The following DLGAP1 variants were observed in gnomAD, a reference collection of about 807,000 sequenced individuals.
DLGAP1 encodes the protein disks large-associated protein 1.
DLGAP1 carries 11 observed loss-of-function variants against 90.8 expected under a neutral mutation model. The observed-to-expected ratio is 0.12, with a 90% CI of 0.08 to 0.20. The LOEUF (loss-of-function observed/expected upper bound fraction) is 0.20, where lower values mean the gene tolerates loss of function less well. Among genes scored for constraint, DLGAP1 ranks in the 10% least tolerant of loss-of-function variants. The probability of loss-of-function intolerance (pLI) is 1.00; values close to 1 mark genes in which losing one functional copy is unlikely to be tolerated. For missense variants in DLGAP1, 1,050 were observed against 1,333.8 expected (o/e 0.79, Z 3.31); for synonymous variants, 558 against 540.7 (o/e 1.03, Z -0.44).
intron 3 of DLGAP1, among the ~76,000 whole-genome samples, chr18:3,975,208 T>TTA (rs1178973211): frequency 6.6e-6 from 1 of 152,032 alleles, no homozygotes; most frequent in South Asian, 2.1e-4. Context: ...AAAATAAAAA[T>TTA]TATATATATA....
chr18:3,611,429 C>T (rs1258403285), intron 7 of DLGAP1, among the ~76,000 whole-genome samples: 1 of 152,188 alleles, frequency 6.6e-6, no homozygotes, highest in Non-Finnish European at 1.5e-5. Flanking sequence ...TCTACCACTG[C>T]ACTCGCCCCA....
chr18:4,069,144 TA>T (rs1366641428), intron 2 of DLGAP1, among the ~76,000 whole-genome samples: 3 of 152,274 alleles, frequency 2.0e-5, no homozygotes, highest in African/African-American at 7.2e-5. Context: ...AAATGGTAAT[TA>T]TTTTTATCCT....
rs576491426 is a variant in DLGAP1, at chr18:4,059,679, C to A, written c.-158-54478G>T. Among the ~76,000 whole-genome samples, 3 of 152,028 alleles carry A rather than the reference C, an allele frequency of 2.0e-5. No individual in the cohort carries two copies. In the South Asian group the frequency reaches 6.3e-4, roughly 32 times the overall value. ...TGAGCCAAGATCGTGCCATTGTACT[C>A]CAGCCTGGACAACAGGAGCAAAACT... On this transcript the variant is annotated intron_variant, in intron 2 of 12. Coordinates refer to ENST00000315677, the MANE Select transcript of DLGAP1 (RefSeq NM_004746.4).
intron 4 of DLGAP1, among the ~76,000 whole-genome samples, chr18:3,829,885 A>G (rs1310284932): frequency 6.6e-6 from 1 of 152,206 alleles, no homozygotes; most frequent in Non-Finnish European, 1.5e-5. Flanking sequence ...CTAACCATAT[A>G]GACAGGAATT....
chr18:3,805,603 G>C (rs376539870), intron 5 of DLGAP1, among the ~76,000 whole-genome samples: 5 of 152,312 alleles, frequency 3.3e-5, no homozygotes, highest in African/African-American at 9.6e-5. Flanking sequence ...TATTTAGGGA[G>C]TACTGTGTTA....
intron 1 of DLGAP1, among the ~76,000 whole-genome samples, chr18:4,160,887 A>G (rs1247447991): frequency 1.3e-5 from 2 of 152,148 alleles, no homozygotes; most frequent in African/African-American, 4.8e-5. Context: ...CCCATTCTAC[A>G]GATACCAAAA....
At chr18:4,423,851 T>TAAAAAA (rs36053501) in intron 1 of DLGAP1, among the ~76,000 whole-genome samples, 2 of 120,604 alleles carry the variant, frequency 1.7e-5, no homozygotes, top group Non-Finnish European at 1.6e-5. Context: ...CCCAGGAATT[T>TAAAAAA]AAAAAAAAAA....
At chr18:4,132,259 C>G (rs2076328491) in intron 2 of DLGAP1, among the ~76,000 whole-genome samples, 1 of 152,102 alleles carries the variant, frequency 6.6e-6, no homozygotes, top group African/African-American at 2.4e-5. Context: ...TTTTATATAT[C>G]ATTTAGTGAA....
intron 1 of DLGAP1, among the ~76,000 whole-genome samples, chr18:4,445,765 T>C (rs1354724529): frequency 2.0e-5 from 3 of 152,000 alleles, no homozygotes; most frequent in Non-Finnish European, 4.4e-5. Flanking sequence ...GTGAATATTA[T>C]AATAAAGTAA....
chr18:3,576,566 C>CTTTT (rs558651034), intron 8 of DLGAP1, among the ~76,000 whole-genome samples: 1 of 135,926 alleles, frequency 7.4e-6, no homozygotes, highest in Non-Finnish European at 1.6e-5. Flanking sequence ...GCTCCAGCTC[C>CTTTT]TTTTTTTTTT....
chr18:3,950,628 C>A (rs1288219652), intron 3 of DLGAP1, among the ~76,000 whole-genome samples: 1 of 152,204 alleles, frequency 6.6e-6, no homozygotes, highest in East Asian at 1.9e-4. Flanking sequence ...GATGAACATT[C>A]ATTGAGAACA....
At chr18:3,527,106 C>A (rs1030948735) in intron 10 of DLGAP1, among the ~76,000 whole-genome samples, 4 of 152,144 alleles carry the variant, frequency 2.6e-5, no homozygotes, top group African/African-American at 9.7e-5. Flanking sequence ...TGTATAGTTA[C>A]ACTGTTCAAA....
At chr18:4,281,277 G>A (rs559846720) in intron 1 of DLGAP1, among the ~76,000 whole-genome samples, 4 of 152,260 alleles carry the variant, frequency 2.6e-5, no homozygotes, top group South Asian at 2.1e-4. Context: ...GGGGCCGGGC[G>A]CAGTGGCTCA....
At chr18:3,765,338 G>T (rs1325126694) in intron 5 of DLGAP1, among the ~76,000 whole-genome samples, 2 of 150,230 alleles carry the variant, frequency 1.3e-5, no homozygotes, top group African/African-American at 4.9e-5. Context: ...CACCATGTTA[G>T]CCAGGATGGT....
At chr18:4,049,958 A>C (rs79550359) in intron 2 of DLGAP1, among the ~76,000 whole-genome samples, 1,827 of 125,832 alleles carry the variant, frequency 0.015, 31 homozygotes, top group African/African-American at 0.033. Flanking sequence ...ATCCATCCAT[A>C]CTTTAATTCA....
At chr18:4,194,116 C>T (rs2077450587) in intron 1 of DLGAP1, among the ~76,000 whole-genome samples, 2 of 152,096 alleles carry the variant, frequency 1.3e-5, no homozygotes, top group East Asian at 1.9e-4. Context: ...CACCCAGGTA[C>T]TGAGCATAGT....
chr18:4,342,403 G>A lies in DLGAP1; in HGVS notation c.-267+112603C>T. On this transcript the variant is annotated intron_variant, in intron 1 of 12. Coordinates refer to ENST00000315677, the MANE Select transcript of DLGAP1 (RefSeq NM_004746.4). The surrounding 1 kb of genome is among the most constrained non-coding windows in gnomAD (Gnocchi z 5.8). The stretch of plus-strand genomic sequence containing the variant: ...CCAAATATCTTACATTTTAAAAATT[G>A]GAAAGGAAATATCTTGCACTACTAA... 6.6e-6 allele frequency among the ~76,000 whole-genome samples: 1 copy of A among 152,078 alleles called. No homozygotes were observed. The highest frequency in any genetic ancestry group is 1.9e-4 in the East Asian group (1 of 5,196).
chr18:4,350,080 A>G (rs1281247498), intron 1 of DLGAP1, among the ~76,000 whole-genome samples: 7 of 152,206 alleles, frequency 4.6e-5, no homozygotes, highest in African/African-American at 1.2e-4. Flanking sequence ...TCATAAAACA[A>G]CAGAAGAGAA....
At chr18:4,174,643 T>A (rs1439597629) in intron 1 of DLGAP1, among the ~76,000 whole-genome samples, 1 of 152,144 alleles carries the variant, frequency 6.6e-6, no homozygotes, top group Non-Finnish European at 1.5e-5. Context: ...TTATTTTACT[T>A]TATTTTATTT....
Sources: allele counts gnomAD v4.1 joint callset (sites outside exome capture counted in the v4.1 genomes callset), GRCh38; gene constraint gnomAD v4.1.1; non-coding constraint Gnocchi (gnomAD v3.1); transcripts MANE v1.5; gene names NCBI Gene and HGNC (gene_info 2026-07-23, HGNC 2026-07-21).